SCHIP1: variants seen among roughly 807,000 people sequenced by gnomAD.
SCHIP1 encodes the protein schwannomin interacting protein 1, also known as schwannomin-interacting protein 1.
Under a neutral mutation model 29.7 loss-of-function variants are expected in SCHIP1, and 8 were observed. That is an observed-to-expected ratio of 0.27 (90% CI 0.16 to 0.49). The LOEUF (loss-of-function observed/expected upper bound fraction) is 0.49, where lower values mean the gene tolerates loss of function less well. SCHIP1 is among the 20% of genes least tolerant of loss of function. The pLI, the probability that SCHIP1 is intolerant of heterozygous loss-of-function variation, is 0.99. For synonymous variants in SCHIP1, 76 were observed against 94.9 expected, an observed-to-expected ratio of 0.80 and a Z score of 1.16; for missense variants, 193 against 294.6, an observed-to-expected ratio of 0.66 and a Z score of 2.52.
At chr3:159,573,830 C>T in the SCHIP1 span, among the ~76,000 whole-genome samples, 1 of 152,010 alleles carries the variant, frequency 6.6e-6, no homozygotes, top group Non-Finnish European at 1.5e-5. Flanking sequence ...TTTTCTCTAA[C>T]CTTGTTTTCT....
chr3:159,544,372 C>A, the SCHIP1 span, among the ~76,000 whole-genome samples: 10 of 151,896 alleles, frequency 6.6e-5, no homozygotes, highest in African/African-American at 2.4e-4. Flanking sequence ...TGGACATATA[C>A]CTAGGAGTGG....
intron 2 of SCHIP1, among the ~76,000 whole-genome samples, chr3:159,875,462 A>T (rs1010409768): frequency 6.6e-6 from 1 of 152,334 alleles, no homozygotes; most frequent in Non-Finnish European, 1.5e-5. Flanking sequence ...TTTTATATTT[A>T]AAAATGGCTC....
the SCHIP1 span, among the ~76,000 whole-genome samples, chr3:159,385,786 G>A: frequency 7.7e-3 from 1,175 of 152,178 alleles, 18 homozygotes; most frequent in African/African-American, 0.027. Context: ...CATGTGCCAT[G>A]GTGGTTTGCT....
chr3:159,855,418 AT>A (rs1308672937), intron 1 of SCHIP1, among the ~76,000 whole-genome samples: 2 of 151,986 alleles, frequency 1.3e-5, no homozygotes, highest in African/African-American at 2.4e-5. Context: ...TTTCGCTAAT[AT>A]TTTTCCTGTT....
the SCHIP1 span, among the ~76,000 whole-genome samples, chr3:159,783,728 T>C: frequency 3.9e-5 from 6 of 152,288 alleles, no homozygotes; most frequent in South Asian, 4.1e-4. Context: ...CTTCTAAGGC[T>C]CCAGGAACTT....
chr3:159,792,981 C>G, the SCHIP1 span, among the ~76,000 whole-genome samples: 35 of 152,290 alleles, frequency 2.3e-4, no homozygotes, highest in South Asian at 4.1e-4. Flanking sequence ...TGTTTGCCAT[C>G]TCCTTGACTC....
chr3:159,558,937 G>A, the SCHIP1 span, among the ~76,000 whole-genome samples: 61 of 152,130 alleles, frequency 4.0e-4, no homozygotes, highest in Middle Eastern at 6.8e-3. Context: ...ATAGTAATGA[G>A]CCCAGGAGTT....
At chr3:159,368,369 C>A in the SCHIP1 span, among the ~76,000 whole-genome samples, 1 of 152,182 alleles carries the variant, frequency 6.6e-6, no homozygotes, top group African/African-American at 2.4e-5. Flanking sequence ...CACATTTATT[C>A]TCTTATTTCA....
the SCHIP1 span, among the ~76,000 whole-genome samples, chr3:159,816,550 C>T: frequency 4.1e-4 from 62 of 152,204 alleles, no homozygotes; most frequent in African/African-American, 1.5e-3. Flanking sequence ...GCTGGGATTA[C>T]AGAGGGGAGC....
chr3:159,530,142 G>A, the SCHIP1 span, among the ~76,000 whole-genome samples: 1 of 152,112 alleles, frequency 6.6e-6, no homozygotes, highest in South Asian at 2.1e-4. Context: ...TCATATGGTA[G>A]TTCTATTTTC....
At chr3:159,890,898 C>G (rs1717452524) in intron 5 of SCHIP1, among the ~76,000 whole-genome samples, 1 of 152,138 alleles carries the variant, frequency 6.6e-6, no homozygotes. Context: ...CACCCCCATT[C>G]TATCTTTTGT....
At chr3:159,330,574 T>C in the SCHIP1 span, among the ~76,000 whole-genome samples, 1 of 152,356 alleles carries the variant, frequency 6.6e-6, no homozygotes, top group East Asian at 1.9e-4. Context: ...CAGATACTGA[T>C]ATGTATTTTA....
chr3:159,700,205 C>A, the SCHIP1 span, among the ~76,000 whole-genome samples: 2,859 of 152,214 alleles, frequency 0.019, 101 homozygotes, highest in African/African-American at 0.066. Context: ...ACATAATGAT[C>A]GGTTTGCAGT....
At chr3:159,316,803 G>T in the SCHIP1 span, among the ~76,000 whole-genome samples, 3,887 of 152,216 alleles carry the variant, frequency 0.026, 160 homozygotes, top group African/African-American at 0.09. Flanking sequence ...CATGATAAAA[G>T]AAAAGGAAAT....
the SCHIP1 span, among the ~76,000 whole-genome samples, chr3:159,540,799 A>G: frequency 1.3e-5 from 2 of 152,212 alleles, no homozygotes; most frequent in South Asian, 4.1e-4. Flanking sequence ...CTTGAGGCCC[A>G]TTATGTGTTT....
chr3:159,647,976 A>G, the SCHIP1 span, among the ~76,000 whole-genome samples: 1 of 152,130 alleles, frequency 6.6e-6, no homozygotes, highest in Non-Finnish European at 1.5e-5. Flanking sequence ...AACAGGGAAG[A>G]GGCAAACCAC....
the SCHIP1 span, among the ~76,000 whole-genome samples, chr3:159,505,536 A>T: frequency 6.6e-6 from 1 of 152,162 alleles, no homozygotes; most frequent in Non-Finnish European, 1.5e-5. Context: ...GGTTTGTTAC[A>T]TATGTATACA....
chr3:159,626,126 A>ATCTATC, the SCHIP1 span, among the ~76,000 whole-genome samples: 1 of 123,698 alleles, frequency 8.1e-6, no homozygotes, highest in Non-Finnish European at 1.5e-5. Flanking sequence ...AGATAGATAG[A>ATCTATC]TAGATAGATA....
At chr3:159,456,578 A>G in the SCHIP1 span, among the ~76,000 whole-genome samples, 278 of 152,336 alleles carry the variant, frequency 1.8e-3, 1 homozygote, top group African/African-American at 6.3e-3. Context: ...ATGCCTATGT[A>G]TAAATGCTGC....
Sources: allele counts gnomAD v4.1 joint callset (sites outside exome capture counted in the v4.1 genomes callset), GRCh38; gene constraint gnomAD v4.1.1; transcripts MANE v1.5; gene names NCBI Gene and HGNC (gene_info 2026-07-23, HGNC 2026-07-21).